Variants in PCIF1 observed in about 807,000 individuals in gnomAD.
PCIF1 encodes the protein mRNA (2'-O-methyladenosine-N(6)-)-methyltransferase.
PCIF1 carries 12 observed loss-of-function variants against 86.9 expected under a neutral mutation model. The observed-to-expected ratio is 0.14, with a 90% confidence interval of 0.09 to 0.22. The LOEUF is 0.22. Among genes scored for constraint, PCIF1 ranks in the 10% least tolerant of loss-of-function variants. PCIF1 has a pLI of 1.00. For synonymous variants in PCIF1, 397 were observed against 372.0 expected (o/e 1.07, Z -0.77); for missense variants, 701 against 951.1 (o/e 0.74, Z 3.46).
At chr20:45,945,149 G>T in intron 11 of PCIF1, 119 bp downstream of exon 11, 8 of 1,209,322 alleles carry the variant, frequency 6.6e-6, no homozygotes, top group Non-Finnish European at 9.0e-6. Context: ...ACCTGCCTGT[G>T]TCCTTTGGCT....
At chr20:45,945,622 T>G in intron 11 of PCIF1, 89 bp from the exon 12 acceptor site, 5 of 1,473,362 alleles carry the variant, frequency 3.4e-6, no homozygotes, top group Non-Finnish European at 4.6e-6. Flanking sequence ...GGAATGGGAC[T>G]TCCCTCTCTC....
At chr20:45,934,937 A>G (rs920791393) in intron 1 of PCIF1, 133 bp downstream of exon 1, 4 of 394,690 alleles carry the variant, frequency 1.0e-5, no homozygotes, top group African/African-American at 8.3e-5. Context: ...TGCCGCCGCC[A>G]TCTTAGACCC....
chr20:45,947,965 C>T lies in PCIF1; in HGVS notation c.*210C>T, dbSNP rs2083551041. ...TCCTGATGCCTTCCCAACCCCGCCCCTCACCCTGTTGCCACCTTGTTTCAT... is the reference window on the plus strand; with the variant it reads ...TCCTGATGCCTTCCCAACCCCGCCCTTCACCCTGTTGCCACCTTGTTTCAT... On this transcript the variant is annotated 3_prime_UTR_variant, in exon 17 of 17. Coordinates refer to ENST00000372409, the MANE Select transcript of PCIF1 (RefSeq NM_022104.4). The surrounding 1 kb of genome is among the most constrained non-coding windows in gnomAD (Gnocchi z 5.4). 6.5e-7 allele frequency: 1 copy of T among 1,531,690 alleles called. No homozygotes were observed. The highest frequency in any genetic ancestry group is 8.7e-7 in the Non-Finnish European group (1 of 1,144,692). The allele number at this position is 1,531,690 out of a possible 1,614,324, so 94.9% of individuals were successfully genotyped here.
intron 7 of PCIF1, 28 bp downstream of exon 7, chr20:45,941,235 T>G (rs372185457): frequency 1.2e-5 from 19 of 1,564,642 alleles, no homozygotes; most frequent in Non-Finnish European, 1.6e-5. Context: ...GCAGCCTCCT[T>G]TATTTCCACC....
chr20:45,943,868 GGCCTAT>G lies in PCIF1; in HGVS notation c.1005+104_1005+109del, dbSNP rs1169963399. The G allele has an allele frequency of 2.2e-6, 2 of 909,128 alleles. No homozygotes were observed. The highest frequency in any genetic ancestry group is 5.3e-5 in the East Asian group (2 of 37,568). The allele number at this position is 909,128 out of a possible 1,614,324, so 56.3% of individuals were successfully genotyped here. A position where few individuals can be genotyped will look rare whatever the true frequency, so the allele number is the denominator to read the frequency against. On this transcript the variant is annotated intron_variant, in intron 10 of 16. Transcript: ENST00000372409. This position sits in a 1 kb window ranked among gnomAD's most constrained non-coding sequence, Gnocchi z 5.5. ...CAGGCTGGGCAAGGCCTCCCCCAGC[GGCCTAT>G]TCTTGTGCAGTATGGCAGACGTTCG...
rs765522898 is a variant in PCIF1 at position 45,941,162 on chromosome 20, C to T, written c.628C>T (p.Leu210=). Residue 210 remains leucine, a synonymous_variant, in exon 7 of 17, where the codon CTG becomes TTG. Coordinates refer to ENST00000372409, the MANE Select transcript of PCIF1 (RefSeq NM_022104.4). ...GGAACTGCTCCGCTCTCAGCTCATC[C>T]TGAAGCTTCGGCAGCACTATCGGGA... ...EVELLRSQLI[L]KLRQHYRELC... is the part of the protein sequence containing the mutation. The T allele has an allele frequency of 3.1e-6, 5 of 1,613,928 alleles. No individual in the cohort carries two copies. In the South Asian group the frequency reaches 5.5e-5, roughly 18 times the overall value.
At chr20:45,940,402 C>A (rs369275108) in intron 4 of PCIF1, 73 bp from the exon 5 acceptor site, 2 of 1,477,434 alleles carry the variant, frequency 1.4e-6, no homozygotes, top group Non-Finnish European at 1.8e-6. Context: ...GGTGGGAGGG[C>A]GTGAGGATTC....
rs765172018 is a variant in PCIF1 at position 45,947,421 on chromosome 20, C to T, written c.1866C>T (p.Ser622=). The T allele has an allele frequency of 1.4e-5, 22 of 1,613,784 alleles. No homozygotes were observed. Among genetic ancestry groups the T allele is most frequent in the Non-Finnish European group, 1.8e-5 (21 of 1,180,014 alleles). The part of the protein sequence containing the change: ...PAFEHEYRSG[S]QHICKKEEMH... ...TTGAGCATGAGTACCGCAGTGGCTC[C>T]CAGCACATCTGCAAGAAGTGGGTGC... is the stretch of plus-strand genomic sequence containing the variant. The change falls in exon 16 of 17, where the codon TCC becomes TCT. Residue 622 remains serine, a synonymous_variant. Transcript: ENST00000372409. This position sits in a 1 kb window ranked among gnomAD's most constrained non-coding sequence, Gnocchi z 5.4.
chr20:45,945,501 AGT>A (rs2083515957), intron 11 of PCIF1, among the ~76,000 whole-genome samples: 1 of 152,176 alleles, frequency 6.6e-6, no homozygotes, highest in South Asian at 2.1e-4. Context: ...TTCGGTACTG[AGT>A]GTGTTGACAC....
chr20:45,945,148 T>A (rs921805569), intron 11 of PCIF1, 118 bp downstream of exon 11: 33 of 1,232,990 alleles, frequency 2.7e-5, no homozygotes, highest in South Asian at 2.0e-4. Context: ...AACCTGCCTG[T>A]GTCCTTTGGC....
intron 14 of PCIF1, 118 bp downstream of exon 14, chr20:45,946,502 C>T (rs1027180748): frequency 1.7e-6 from 2 of 1,198,880 alleles, no homozygotes; most frequent in Admixed American, 2.1e-5. Flanking sequence ...GCCTCCACCT[C>T]TTACCGGCTA....
chr20:45,940,014 G>A (rs1197386017), intron 4 of PCIF1, among the ~76,000 whole-genome samples: 1 of 152,234 alleles, frequency 6.6e-6, no homozygotes, highest in African/African-American at 2.4e-5. Flanking sequence ...CCTGATGTGA[G>A]TTCAGGGCCA....
chr20:45,943,852 C>A lies in PCIF1; in HGVS notation c.1005+87C>A. ...GCCTACTCTGCCTGTCCAGGCTGGG[C>A]AAGGCCTCCCCCAGCGGCCTATTCT... On this transcript the variant is annotated intron_variant, in intron 10 of 16. Coordinates refer to ENST00000372409, the MANE Select transcript of PCIF1 (RefSeq NM_022104.4). The surrounding 1 kb of genome is among the most constrained non-coding windows in gnomAD (Gnocchi z 5.5). 1 of 1,103,496 alleles carries A rather than the reference C, an allele frequency of 9.1e-7. No individual in the cohort carries two copies. The highest frequency in any genetic ancestry group is 1.3e-6 in the Non-Finnish European group (1 of 753,654). 68.4% of individuals were successfully genotyped at this position (1,103,496 alleles called of 1,614,324 possible).
Position 45,943,198 on chromosome 20 carries a change from G to A in PCIF1, c.775G>A (p.Val259Met). ...PLLPSNCEPV[V>M]SPSMFREIMN... ...GTTGCCCAGCAACTGTGAACCAGTC[G>A]TGTCACCTTCCATGTTTCGTGAAAT... The change falls in exon 8 of 17, where the codon GTG (valine) becomes ATG (methionine). Residue 259 changes from valine (V) to methionine (M), a missense_variant. Physicochemically the swap from Val to Met is conservative, Grantham distance 21 (BLOSUM62 1). Around this residue, in one of 7 missense-constraint regions of PCIF1, gnomAD observed 129 missense variants for 245.9 expected, o/e 0.52. Transcript: ENST00000372409. The surrounding 1 kb of genome is among the most constrained non-coding windows in gnomAD (Gnocchi z 5.5). 2 of 1,614,128 alleles carry A rather than the reference G, an allele frequency of 1.2e-6. No individual in the cohort carries two copies. The highest frequency in any genetic ancestry group is 1.7e-6 in the Non-Finnish European group (2 of 1,180,034).
Position 45,944,933 on chromosome 20 carries a change from G to T in PCIF1, c.1071G>T (p.Val357=). 6.2e-7 allele frequency: 1 copy of T among 1,614,170 alleles called. No individual in the cohort carries two copies. Among genetic ancestry groups the T allele is most frequent in the Non-Finnish European group, 8.5e-7 (1 of 1,180,026 alleles). ...PHVSAAAKDS[V]EGICSKIYHI... is the part of the protein sequence containing the mutation. Reference sequence around the variant, plus strand: ...TCTCGGCCGCAGCCAAGGACTCCGTGGAAGGCATCTGCAGTAAGATCTACC... The same window carrying T: ...TCTCGGCCGCAGCCAAGGACTCCGTTGAAGGCATCTGCAGTAAGATCTACC... Residue 357 remains valine (V), a synonymous_variant, in exon 11 of 17, where the codon GTG becomes GTT. Coordinates refer to ENST00000372409, the MANE Select transcript of PCIF1 (RefSeq NM_022104.4).
chr20:45,940,022 C>G (rs2083456452), intron 4 of PCIF1, among the ~76,000 whole-genome samples: 1 of 152,186 alleles, frequency 6.6e-6, no homozygotes, highest in Non-Finnish European at 1.5e-5. Flanking sequence ...GAGTTCAGGG[C>G]CACACTACTC....
intron 5 of PCIF1, 47 bp downstream of exon 5, chr20:45,940,659 C>G (rs369533158): frequency 1.3e-6 from 2 of 1,579,340 alleles, no homozygotes; most frequent in Non-Finnish European, 1.7e-6. Flanking sequence ...CCGGCTCAGA[C>G]GGGCCGCCTG....
intron 14 of PCIF1, 37 bp downstream of exon 14, chr20:45,946,421 G>A: frequency 1.9e-6 from 3 of 1,601,194 alleles, no homozygotes; most frequent in South Asian, 2.2e-5. Context: ...CCAGGCCAGG[G>A]AAGAGGTCCT....
rs369275108 is a variant in PCIF1, at chr20:45,940,402, C to T, written c.250-73C>T. The T allele has an allele frequency of 3.0e-5, 44 of 1,477,316 alleles. No individual in the cohort carries two copies. The East Asian group carries it at 4.0e-4, about 13-fold the overall frequency. The allele number at this position is 1,477,316 out of a possible 1,614,324, so 91.5% of individuals were successfully genotyped here. A position where few individuals can be genotyped will look rare whatever the true frequency, so the allele number is the denominator to read the frequency against. On this transcript the variant is annotated intron_variant, in intron 4 of 16. Coordinates refer to ENST00000372409, the MANE Select transcript of PCIF1 (RefSeq NM_022104.4). ...AGGAGTAGGAGCAGGGGTGGGAGGG[C>T]GTGAGGATTCAAAGTCCTGTGGCTC...
Sources: allele counts gnomAD v4.1 joint callset (sites outside exome capture counted in the v4.1 genomes callset), GRCh38; gene constraint gnomAD v4.1.1; regional missense constraint gnomAD v4.1.1; non-coding constraint Gnocchi (gnomAD v3.1); transcripts MANE v1.5; gene names NCBI Gene and HGNC (gene_info 2026-07-23, HGNC 2026-07-21).